Variants in DENND2A observed in about 807,000 individuals in gnomAD.
The protein encoded by DENND2A is DENN domain containing 2A, also known as DENN domain-containing protein 2A.
Under a neutral mutation model 105.3 loss-of-function variants are expected in DENND2A, and 53 were observed. The ratio of observed to expected loss-of-function variants is 0.50; its 90% CI spans 0.40 to 0.63. DENND2A has a LOEUF of 0.63. Among genes scored for constraint, DENND2A ranks in the 30% least tolerant of loss-of-function variants. The probability of loss-of-function intolerance (pLI) is 0.00; values close to 1 mark genes in which losing one functional copy is unlikely to be tolerated. For synonymous variants in DENND2A, 522 were observed against 508.4 expected (o/e 1.03, Z -0.36); for missense variants, 1,138 against 1,279.6 (o/e 0.89, Z 1.69).
chr7:140,547,909 T>G (rs939993816), intron 12 of DENND2A, among the ~76,000 whole-genome samples: 6 of 152,132 alleles, frequency 3.9e-5, no homozygotes, highest in Admixed American at 3.3e-4. Flanking sequence ...TCCACTTAGA[T>G]GAAATGTCCA....
At chr7:140,628,760 T>C (rs985564129) in intron 1 of DENND2A, among the ~76,000 whole-genome samples, 24 of 152,082 alleles carry the variant, frequency 1.6e-4, no homozygotes, top group African/African-American at 5.1e-4. Context: ...CAGGCTGGTC[T>C]CGAACTCCTG....
chr7:140,585,497 C>A, intron 5 of DENND2A, 92 bp downstream of exon 5: 1 of 1,559,048 alleles, frequency 6.4e-7, no homozygotes, highest in Non-Finnish European at 8.7e-7. Flanking sequence ...GTGGAGGTGG[C>A]CTGGAATTCC....
At chr7:140,564,362 T>C (rs145999398) in intron 9 of DENND2A, among the ~76,000 whole-genome samples, 155 of 151,852 alleles carry the variant, frequency 1.0e-3, no homozygotes, top group Middle Eastern at 6.9e-3. Flanking sequence ...ACTGGTTACA[T>C]AGAAAAATAG....
At chr7:140,561,755 T>C (rs1034249658) in intron 9 of DENND2A, among the ~76,000 whole-genome samples, 1 of 151,592 alleles carries the variant, frequency 6.6e-6, no homozygotes, top group African/African-American at 2.4e-5. Flanking sequence ...CCTCAAGTGA[T>C]CTGCCTGCCT....
intron 4 of DENND2A, among the ~76,000 whole-genome samples, chr7:140,586,670 A>T (rs1270859880): frequency 6.6e-6 from 1 of 152,238 alleles, no homozygotes; most frequent in Non-Finnish European, 1.5e-5. Flanking sequence ...GTCACTGCTA[A>T]GAGAAGTCCA....
intron 9 of DENND2A, among the ~76,000 whole-genome samples, chr7:140,560,053 T>A (rs1392048871): frequency 1.3e-5 from 2 of 152,038 alleles, no homozygotes; most frequent in Non-Finnish European, 2.9e-5. Context: ...TAGAGAATGA[T>A]TCTCTATGCT....
chr7:140,525,889 G>T, intron 15 of DENND2A, 97 bp from the exon 16 acceptor site: 1 of 1,042,482 alleles, frequency 9.6e-7, no homozygotes, highest in Non-Finnish European at 1.3e-6. Context: ...CAGAGAGGCA[G>T]CTGGGGCGGG....
chr7:140,570,367 G>A (rs999140278), intron 6 of DENND2A, among the ~76,000 whole-genome samples: 12 of 152,168 alleles, frequency 7.9e-5, no homozygotes, highest in East Asian at 1.9e-4. Flanking sequence ...CTGAGGCCTC[G>A]ATGTCACTGC....
intron 19 of DENND2A, among the ~76,000 whole-genome samples, chr7:140,519,181 G>A (rs1291046980): frequency 2.0e-5 from 3 of 152,126 alleles, no homozygotes; most frequent in Non-Finnish European, 4.4e-5. Context: ...TGGGGCCTCC[G>A]TCCTCTTTTT....
chr7:140,574,894 C>T (rs1385889614), intron 5 of DENND2A, among the ~76,000 whole-genome samples: 1 of 152,020 alleles, frequency 6.6e-6, no homozygotes, highest in Non-Finnish European at 1.5e-5. Context: ...GTGGCGGGTG[C>T]CTGTAATCCC....
At chr7:140,592,898 C>T (rs570613318) in intron 3 of DENND2A, among the ~76,000 whole-genome samples, 4 of 152,216 alleles carry the variant, frequency 2.6e-5, no homozygotes, top group South Asian at 4.1e-4. Flanking sequence ...CCACCATGCC[C>T]GGACCACCTA....
chr7:140,545,058 G>T (rs1177975398), intron 13 of DENND2A, among the ~76,000 whole-genome samples: 1 of 152,100 alleles, frequency 6.6e-6, no homozygotes, highest in African/African-American at 2.4e-5. Flanking sequence ...ATGGTTTCCG[G>T]CCCCACATGG....
intron 12 of DENND2A, among the ~76,000 whole-genome samples, chr7:140,548,505 T>G (rs182840493): frequency 1.3e-5 from 2 of 151,828 alleles, no homozygotes; most frequent in African/African-American, 4.8e-5. Context: ...CTGGGCAACA[T>G]AGTGAGACCC....
intron 5 of DENND2A, among the ~76,000 whole-genome samples, chr7:140,576,101 T>C (rs1365238978): frequency 6.6e-6 from 1 of 151,970 alleles, no homozygotes; most frequent in African/African-American, 2.4e-5. Context: ...TGTATTTTTC[T>C]TTAGTGTATT....
chr7:140,555,550 G>A, intron 12 of DENND2A, 86 bp downstream of exon 12: 1 of 1,130,574 alleles, frequency 8.8e-7, no homozygotes, highest in Non-Finnish European at 1.3e-6. Context: ...GATGATAGAA[G>A]GCCCAGGACA....
chr7:140,521,433 C>A (rs1187420244), intron 18 of DENND2A, among the ~76,000 whole-genome samples: 1 of 152,026 alleles, frequency 6.6e-6, no homozygotes, highest in Admixed American at 6.6e-5. Flanking sequence ...ACCATCACAC[C>A]GATCTAATTT....
At chr7:140,537,948 G>A (rs538662330) in intron 14 of DENND2A, among the ~76,000 whole-genome samples, 3 of 152,192 alleles carry the variant, frequency 2.0e-5, no homozygotes, top group South Asian at 2.1e-4. Context: ...AAATGAAGGC[G>A]AGGGTGTAGA....
intron 6 of DENND2A, among the ~76,000 whole-genome samples, chr7:140,572,087 T>A (rs1281616407): frequency 6.6e-6 from 1 of 152,116 alleles, no homozygotes; most frequent in Non-Finnish European, 1.5e-5. Flanking sequence ...CACTGCAGCC[T>A]CTAACTCCTG....
Position 140,522,050 on chromosome 7 carries a change from A to G in DENND2A, c.2716T>C (p.Phe906Leu). 1 of 1,614,204 alleles carries G rather than the reference A, an allele frequency of 6.2e-7. No homozygotes were observed. The highest frequency in any genetic ancestry group is 1.1e-5 in the South Asian group (1 of 91,088). Residue 906 changes from phenylalanine (F) to leucine (L), a missense_variant, in exon 18 of 20, where the codon TTC becomes CTC. This residue lies in a region of DENND2A where 627 missense variants were observed against 779.8 expected (regional missense o/e 0.80). Transcript: ENST00000496613. The part of the protein sequence containing the change: ...NEVVSEAFVR[F>L]FVEIVGHYSL... ...TAGTGTCCCACAATCTCCACGAAGAAGCGGACAAAGGCTTCAGACACCACC... is the reference window on the plus strand; with the variant it reads ...TAGTGTCCCACAATCTCCACGAAGAGGCGGACAAAGGCTTCAGACACCACC...
Sources: gnomAD v4.1 joint callset for allele counts (sites outside exome capture counted in the v4.1 genomes callset) on GRCh38, gnomAD v4.1.1 for gene constraint, gnomAD v4.1.1 regional missense constraint, MANE v1.5 for transcripts, NCBI Gene and HGNC (gene_info 2026-07-23, HGNC 2026-07-21) for gene names.